HUWE1: variants seen among roughly 807,000 people sequenced by gnomAD.
HUWE1 encodes E3 ubiquitin-protein ligase HUWE1.
A neutral mutation model predicts 299.4 loss-of-function variants in HUWE1; 18 were observed. The ratio of observed to expected loss-of-function variants is 0.06; its 90% confidence interval spans 0.04 to 0.09. The LOEUF is 0.09. HUWE1 is among the 10% of genes least tolerant of loss of function. The probability of loss-of-function intolerance (pLI) is 1.00; values close to 1 mark genes in which losing one functional copy is unlikely to be tolerated. For synonymous variants in HUWE1, 1,317 were observed against 1,286.1 expected, an observed-to-expected ratio of 1.02 and a Z score of -0.51; for missense variants, 1,832 against 3,462.3, an observed-to-expected ratio of 0.53 and a Z score of 11.82.
At chrX:53,583,470 A>G in intron 42 of HUWE1, 88 bp downstream of exon 42, 1 of 679,652 alleles carries the variant, frequency 1.5e-6, no homozygotes, top group East Asian at 3.2e-5. Flanking sequence ...ATACCCTAAG[A>G]AGAACCAGAA....
Position 53,667,172 on chromosome X carries a change from A to G in HUWE1, c.-25+12877T>C, listed in dbSNP as rs189985435. ...ACAACTTCCTCATGCCCAAAGGCTG[A>G]AAACACAACCAATTATAAGATCAAT... On this transcript the variant is annotated intron_variant, in intron 3 of 83. Transcript: ENST00000262854. Among the ~76,000 whole-genome samples the G allele has an allele frequency of 8.0e-5, 9 of 112,760 alleles. No homozygotes were observed. The East Asian group carries it at 2.5e-3, about 31-fold the overall frequency.
chrX:53,640,264 G>A (rs2067494986), intron 7 of HUWE1, among the ~76,000 whole-genome samples: 2 of 111,893 alleles, frequency 1.8e-5, no homozygotes, highest in South Asian at 7.4e-4. Context: ...GGAGGCTGAG[G>A]TGGGAGGATC....
intron 3 of HUWE1, among the ~76,000 whole-genome samples, chrX:53,655,613 C>T (rs1557042562): frequency 8.9e-6 from 1 of 111,961 alleles, no homozygotes. Flanking sequence ...ACAATCCTGT[C>T]CATGTGGTGG....
At chrX:53,555,814 G>C (rs1274828648) in intron 60 of HUWE1, among the ~76,000 whole-genome samples, 1 of 108,299 alleles carries the variant, frequency 9.2e-6, no homozygotes, top group Non-Finnish European at 1.9e-5. Flanking sequence ...GCTAATTTTT[G>C]TATTTTGAGT....
chrX:53,641,102 T>G (rs1421629325), intron 7 of HUWE1, among the ~76,000 whole-genome samples: 1 of 111,642 alleles, frequency 9.0e-6, no homozygotes, highest in East Asian at 2.8e-4. Context: ...AATACGTTCC[T>G]AGGATTTATG....
At chrX:53,551,218 A>T (rs782687945) in intron 64 of HUWE1, 29 bp from the exon 65 acceptor site, 2 of 1,209,124 alleles carry the variant, frequency 1.7e-6, no homozygotes, top group African/African-American at 1.8e-5. Flanking sequence ...CAATGAGGGC[A>T]TTTCTCCTGC....
intron 8 of HUWE1, 93 bp downstream of exon 8, chrX:53,634,143 G>T: frequency 1.4e-6 from 1 of 699,901 alleles, no homozygotes; most frequent in Non-Finnish European, 2.3e-6. Flanking sequence ...ATGTGAAGGC[G>T]TCACTTCATA....
chrX:53,662,128 T>C (rs2069033778), intron 3 of HUWE1, among the ~76,000 whole-genome samples: 2 of 110,978 alleles, frequency 1.8e-5, no homozygotes, highest in Admixed American at 9.6e-5. Context: ...TGGGAGTTAT[T>C]AAAAGTTGCA....
At chrX:53,617,942 A>G (rs1557009020) in intron 19 of HUWE1, among the ~76,000 whole-genome samples, 3 of 112,269 alleles carry the variant, frequency 2.7e-5, no homozygotes, top group African/African-American at 9.7e-5. Context: ...AAATAGATAA[A>G]CTGCCTCATA....
At chrX:53,638,881 T>C (rs892220675) in intron 7 of HUWE1, among the ~76,000 whole-genome samples, 15 of 112,435 alleles carry the variant, frequency 1.3e-4, no homozygotes, top group Non-Finnish European at 2.6e-4. Context: ...CCTACATCTG[T>C]AGTTAACTAA....
At chrX:53,552,508 T>C (rs2147330518) in intron 62 of HUWE1, 67 bp from the exon 63 acceptor site, 6 of 1,199,476 alleles carry the variant, frequency 5.0e-6, no homozygotes, top group Non-Finnish European at 6.8e-6. Flanking sequence ...ACTGCTACAA[T>C]ACCCCTTTCT....
In HUWE1 at chrX:53,602,569, CT is replaced by C; in HGVS notation, c.2965del (p.Arg989AspfsTer21). The C allele has an allele frequency of 8.6e-7, 1 of 1,156,116 alleles. No individual in the cohort carries two copies. Among genetic ancestry groups the C allele is most frequent in the Non-Finnish European group, 1.2e-6 (1 of 845,933 alleles). On this transcript the variant is annotated frameshift_variant, in exon 28 of 84. Transcript: ENST00000262854. LOFTEE classifies it high-confidence loss of function. ...EKAGTTQGGK[R>X]SDGEQDGAAG... ...TTTTAGTTTCTTAGAGTTACCTGAT[CT>C]TTTTCCGCCCTGGGTCGTACCTGCC...
intron 7 of HUWE1, among the ~76,000 whole-genome samples, chrX:53,641,299 A>G (rs1260496629): frequency 6.3e-5 from 7 of 111,858 alleles, no homozygotes; most frequent in African/African-American, 2.3e-4. Flanking sequence ...TAAAACCACT[A>G]TAGCTTTATG....
chrX:53,548,714 T>C (rs1021959390), intron 67 of HUWE1, among the ~76,000 whole-genome samples: 1 of 112,666 alleles, frequency 8.9e-6, no homozygotes, highest in African/African-American at 3.2e-5. Flanking sequence ...TCTCAGGTTC[T>C]TCATCTGTAA....
At chrX:53,623,751 G>T (rs1182948646) in intron 19 of HUWE1, among the ~76,000 whole-genome samples, 1 of 112,161 alleles carries the variant, frequency 8.9e-6, no homozygotes, top group Non-Finnish European at 1.9e-5. Flanking sequence ...ACTAATAAGT[G>T]AACTGTGCAA....
At chrX:53,645,276 T>G in intron 7 of HUWE1, 35 bp downstream of exon 7, 1 of 1,204,637 alleles carries the variant, frequency 8.3e-7, no homozygotes, top group East Asian at 3.0e-5. Context: ...ATGCTCCAAT[T>G]TTTGCACCCC....
Position 53,564,590 on chromosome X carries a change from C to T in HUWE1, c.7013G>A (p.Ser2338Asn). The change falls in exon 51 of 84, where the codon AGT (serine) becomes AAT (asparagine). Residue 2338 changes from serine (S) to asparagine (N), a missense_variant. Physicochemically the swap from Ser to Asn is conservative, Grantham distance 46 (BLOSUM62 1). Transcript: ENST00000262854. ...VVIAGQPEVLSSQEMQVENEL... is the reference protein window; with the variant it reads ...VVIAGQPEVLNSQEMQVENEL... ...CCTCCCTACCTGCATCTCTTGTGAA[C>T]TGAGCACCTCAGGCTGCCCAGCAAT... 8.3e-7 allele frequency: 1 copy of T among 1,211,065 alleles called. No homozygotes were observed.
intron 3 of HUWE1, among the ~76,000 whole-genome samples, chrX:53,672,532 T>C (rs2069607259): frequency 9.0e-6 from 1 of 111,231 alleles, no homozygotes; most frequent in Non-Finnish European, 1.9e-5. Context: ...GTGCTCAGAT[T>C]ACAGGTGTGA....
At chrX:53,578,657 C>T (rs782261562) in intron 43 of HUWE1, among the ~76,000 whole-genome samples, 3 of 89,829 alleles carry the variant, frequency 3.3e-5, no homozygotes, top group Non-Finnish European at 4.4e-5. Flanking sequence ...CCCGGCCAGC[C>T]GCCCCATCCG....
Sources: allele counts gnomAD v4.1 joint callset (sites outside exome capture counted in the v4.1 genomes callset), GRCh38; gene constraint gnomAD v4.1.1; transcripts MANE v1.5; gene names NCBI Gene and HGNC (gene_info 2026-07-23, HGNC 2026-07-21).